The following MACF1 variants were observed in gnomAD, a reference collection of about 807,000 sequenced individuals.
The protein encoded by MACF1 is microtubule actin crosslinking factor 1, also known as microtubule-actin cross-linking factor 1.
Under a neutral mutation model 854.8 loss-of-function variants are expected in MACF1, and 193 were observed. The ratio of observed to expected loss-of-function variants is 0.23; its 90% CI spans 0.20 to 0.25. The LOEUF is 0.25. MACF1 is among the 10% of genes least tolerant of loss of function. The pLI, the probability that MACF1 is intolerant of heterozygous loss-of-function variation, is 1.00. For synonymous variants in MACF1, 3,185 were observed against 3,226.7 expected, an observed-to-expected ratio of 0.99 and a Z score of 0.44; for missense variants, 7,722 against 8,929.1, an observed-to-expected ratio of 0.86 and a Z score of 5.45.
At chr1:39,259,002 G>T (rs942515181) in intron 6 of MACF1, among the ~76,000 whole-genome samples, 1 of 152,188 alleles carries the variant, frequency 6.6e-6, no homozygotes, top group Non-Finnish European at 1.5e-5. Context: ...GAACCACAGG[G>T]TATCCTCAGG....
chr1:39,169,526 A>G (rs1214931041), intron 2 of MACF1, among the ~76,000 whole-genome samples: 2 of 151,522 alleles, frequency 1.3e-5, no homozygotes, highest in Admixed American at 1.3e-4. Context: ...GATTGCTTGA[A>G]GCCCAGGAGG....
chr1:39,431,997 A>G (rs989094490), intron 66 of MACF1, among the ~76,000 whole-genome samples: 1 of 152,158 alleles, frequency 6.6e-6, no homozygotes, highest in Non-Finnish European at 1.5e-5. Flanking sequence ...GGAAGGATGG[A>G]GGATTGGGGA....
chr1:39,134,803 G>A (rs965017627), intron 2 of MACF1, among the ~76,000 whole-genome samples: 5 of 152,034 alleles, frequency 3.3e-5, no homozygotes, highest in African/African-American at 9.7e-5. Flanking sequence ...ATAACATTTA[G>A]CATTTTAGCC....
At chr1:39,444,890 T>G in intron 80 of MACF1, 55 bp downstream of exon 80, 3 of 1,452,624 alleles carry the variant, frequency 2.1e-6, no homozygotes, top group Non-Finnish European at 2.8e-6. Context: ...GCATGTATAA[T>G]AATTGCCATC....
At position 39,361,478 on chromosome 1, in the gene MACF1, C is replaced by T. The variant is rs1351132540; in HGVS notation, c.12572C>T (p.Ala4191Val). ...TTAAVLQGKL[A>V]EVSQRFEQLC... ...GCAGCAGTGCTGCAGGGCAAACTGG[C>T]AGAGGTGAGCCAGCGGTTCGAACAG... The change falls in exon 49 of 101, where the codon GCA becomes GTA. Residue 4191 changes from alanine to valine, a missense_variant. Coordinates refer to ENST00000564288, the MANE Select transcript of MACF1 (RefSeq NM_001394062.1). 6 of 1,614,152 alleles carry T rather than the reference C, an allele frequency of 3.7e-6. No homozygotes were observed. The highest frequency in any genetic ancestry group is 4.2e-6 in the Non-Finnish European group (5 of 1,180,038).
intron 2 of MACF1, among the ~76,000 whole-genome samples, chr1:39,154,513 GA>G (rs1462375954): frequency 6.6e-6 from 1 of 152,116 alleles, no homozygotes; most frequent in Non-Finnish European, 1.5e-5. Context: ...GTTTTTAGGA[GA>G]AAGATTGCTT....
rs924691170 is a variant in MACF1, at chr1:39,335,002, G to T, written c.8414G>T (p.Cys2805Phe). The T allele has an allele frequency of 1.2e-6, 2 of 1,614,042 alleles. No individual in the cohort carries two copies. Among genetic ancestry groups the T allele is most frequent in the South Asian group, 2.2e-5 (2 of 91,074 alleles). Residue 2805 changes from cysteine to phenylalanine, a missense_variant, in exon 37 of 101, where the codon TGT (cysteine) becomes TTT (phenylalanine). By Grantham distance (205) the Cys-to-Phe change is radical. Transcript: ENST00000564288. ...TGTAATCAGACTGCTGAAATGAGTTGTAATAAAGTAGAAGAGAGTGAGAGA... is the reference window on the plus strand; with the variant it reads ...TGTAATCAGACTGCTGAAATGAGTTTTAATAAAGTAGAAGAGAGTGAGAGA... ...IACNQTAEMSCNKVEESERLF... is the reference protein window; with the variant it reads ...IACNQTAEMSFNKVEESERLF...
intron 58 of MACF1, among the ~76,000 whole-genome samples, chr1:39,398,224 G>A (rs892912604): frequency 8.7e-5 from 13 of 148,824 alleles, no homozygotes; most frequent in Non-Finnish European, 1.5e-4. Flanking sequence ...CTGCAGCCTC[G>A]ACCTCCCAGT....
chr1:39,459,319 G>C (rs1357859241), intron 91 of MACF1, 70 bp downstream of exon 91: 1 of 1,485,628 alleles, frequency 6.7e-7, no homozygotes, highest in Non-Finnish European at 9.1e-7. Flanking sequence ...CCCTTCTGAG[G>C]CTCTCTTAAT....
rs150895343 is a variant in MACF1 at position 39,169,258 on chromosome 1, A to G, written c.221-61924A>G. Among the ~76,000 whole-genome samples, 421 of 152,194 alleles carry G rather than the reference A, an allele frequency of 2.8e-3. 4 individuals are homozygous for G. Among genetic ancestry groups the G allele is most frequent in the Admixed American group, 4.1e-3 (62 of 15,260 alleles). On this transcript the variant is annotated intron_variant, in intron 2 of 93. Coordinates refer to the MACF1 transcript ENST00000361689. ...TTCAGTTAACACCGAAGTAGCAGCT[A>G]CTTTCCTAGTATTTCCTATTACTGA...
chr1:39,102,939 C>T (rs1053013322), intron 2 of MACF1: 3 of 701,522 alleles, frequency 4.3e-6, no homozygotes, highest in Middle Eastern at 2.3e-4. Context: ...GTTCCTCTAG[C>T]CTTGTAAAAT....
At chr1:39,350,648 C>A in intron 42 of MACF1, 137 bp from the exon 43 acceptor site, 1 of 591,088 alleles carries the variant, frequency 1.7e-6, no homozygotes, top group Non-Finnish European at 2.9e-6. Flanking sequence ...TTGATTTAAG[C>A]CTAAACCTGA....
chr1:39,347,209 A>C lies in MACF1; in HGVS notation c.10814A>C (p.Lys3605Thr). The C allele has an allele frequency of 6.2e-7, 1 of 1,609,676 alleles. No individual in the cohort carries two copies. The highest frequency in any genetic ancestry group is 2.2e-5 in the East Asian group (1 of 44,860). Residue 3605 changes from lysine (K) to threonine (T), a missense_variant and splice_region_variant, in exon 41 of 101, where the codon AAG (lysine) becomes ACG (threonine). By Grantham distance (78) the Lys-to-Thr change is moderately conservative (BLOSUM62 -1). Coordinates refer to ENST00000564288, the MANE Select transcript of MACF1 (RefSeq NM_001394062.1). ...LQQMEQEALVKTLQKQQNTCH... is the reference protein window; with the variant it reads ...LQQMEQEALVTTLQKQQNTCH... ...CAAATGGAGCAGGAAGCCCTGGTGA[A>C]GGTCAGACTGAACCAGCAGCTGGGC...
intron 2 of MACF1, among the ~76,000 whole-genome samples, chr1:39,091,973 C>G (rs1336974698): frequency 6.6e-6 from 1 of 152,206 alleles, no homozygotes; most frequent in Non-Finnish European, 1.5e-5. Context: ...GAGCCCAGCT[C>G]CTGCCTATGA....
chr1:39,429,466 G>A (rs893942206), intron 64 of MACF1, 140 bp downstream of exon 64: 7 of 601,660 alleles, frequency 1.2e-5, no homozygotes, highest in African/African-American at 1.1e-4. Flanking sequence ...TCCCTACTGT[G>A]CTCCAGAAGG....
At chr1:39,160,776 C>G (rs1345150106) in intron 2 of MACF1, among the ~76,000 whole-genome samples, 1 of 152,220 alleles carries the variant, frequency 6.6e-6, no homozygotes, top group Non-Finnish European at 1.5e-5. Context: ...AGATACAAAC[C>G]ATTGCCTTTG....
chr1:39,401,901 T>G (rs1642487793), intron 58 of MACF1, among the ~76,000 whole-genome samples: 3 of 152,230 alleles, frequency 2.0e-5, no homozygotes, highest in African/African-American at 7.2e-5. Context: ...TTATTTATTC[T>G]GCCTTCTTTT....
intron 2 of MACF1, among the ~76,000 whole-genome samples, chr1:39,093,390 A>C (rs575283072): frequency 1.6e-3 from 194 of 123,906 alleles, no homozygotes; most frequent in Non-Finnish European, 2.7e-3. Flanking sequence ...ATCTCTGCTC[A>C]TTGCAACCAC....
At chr1:39,402,493 A>G (rs1642516861) in intron 58 of MACF1, among the ~76,000 whole-genome samples, 2 of 152,150 alleles carry the variant, frequency 1.3e-5, no homozygotes, top group African/African-American at 4.8e-5. Context: ...AAAAGAAGAG[A>G]ATCAACGATA....
Sources: allele counts gnomAD v4.1 joint callset (sites outside exome capture counted in the v4.1 genomes callset), GRCh38; gene constraint gnomAD v4.1.1; transcripts MANE v1.5; gene names NCBI Gene and HGNC (gene_info 2026-07-23, HGNC 2026-07-21).